Variants in FRRS1L observed in about 807,000 individuals in gnomAD.
FRRS1L encodes the protein DOMON domain-containing protein FRRS1L.
In FRRS1L, 22 loss-of-function variants were observed where a neutral mutation model predicts 28.6. That is an observed-to-expected ratio of 0.77 (90% CI 0.55 to 1.10). FRRS1L has a LOEUF of 1.10. Among genes scored for constraint, FRRS1L ranks in the 50% least tolerant of loss-of-function variants. FRRS1L has a pLI of 0.00. For missense variants in FRRS1L, 380 were observed against 386.9 expected (o/e 0.98, Z 0.15); for synonymous variants, 158 against 151.4 (o/e 1.04, Z -0.32).
chr9:109,145,383 C>G (rs910657775), intron 3 of FRRS1L, among the ~76,000 whole-genome samples: 2 of 152,166 alleles, frequency 1.3e-5, no homozygotes, highest in African/African-American at 2.4e-5. Context: ...ATCCAACATG[C>G]CTTTTATAAT....
chr9:109,157,843 T>C (rs532695705), intron 1 of FRRS1L, among the ~76,000 whole-genome samples: 1 of 152,246 alleles, frequency 6.6e-6, no homozygotes, highest in African/African-American at 2.4e-5. Flanking sequence ...TTATCTTCTA[T>C]ATTTTGTCCG....
intron 3 of FRRS1L, among the ~76,000 whole-genome samples, chr9:109,141,898 T>A (rs1448665349): frequency 2.1e-5 from 3 of 141,828 alleles, no homozygotes; most frequent in Non-Finnish European, 3.1e-5. Context: ...ACAAAAAAAA[T>A]TAAAAAAATA....
Position 109,132,924 on chromosome 9 carries a change from C to CT in FRRS1L, c.*4530dup, listed in dbSNP as rs1831073163. ...TCTGACCCTTAACAGAGAAAGTTTG[C>CT]TGACCCCTGGAGTAGAGATAAGAAT... On this transcript the variant is annotated 3_prime_UTR_variant, in exon 5 of 5. Transcript: ENST00000561981. The CT allele has an allele frequency of 6.6e-6, 1 of 152,212 alleles. No homozygotes were observed. Among genetic ancestry groups the CT allele is most frequent in the African/African-American group, 2.4e-5 (1 of 41,458 alleles). The allele number at this position is 152,212 out of a possible 1,614,324, so 9.4% of individuals were successfully genotyped here.
chr9:109,159,532 G>C (rs974848599), intron 1 of FRRS1L, among the ~76,000 whole-genome samples: 1 of 152,156 alleles, frequency 6.6e-6, no homozygotes, highest in Admixed American at 6.5e-5. Flanking sequence ...AGGCATGGTG[G>C]GACCCACCTG....
Position 109,130,442 on chromosome 9 carries a change from A to G in FRRS1L, c.*7013T>C, listed in dbSNP as rs1280593776. ...GTATTTGTGATGGCAAATGGACAGA[A>G]CAATCATTTAGGTAGCATCTAGGAA... is the stretch of plus-strand genomic sequence containing the variant. On this transcript the variant is annotated 3_prime_UTR_variant, in exon 5 of 5. Coordinates refer to ENST00000561981, the MANE Select transcript of FRRS1L (RefSeq NM_014334.4). The G allele has an allele frequency of 6.6e-6, 1 of 152,242 alleles. No individual in the cohort carries two copies. Among genetic ancestry groups the G allele is most frequent in the Admixed American group, 6.5e-5 (1 of 15,282 alleles). 9.4% of individuals were successfully genotyped at this position (152,242 alleles called of 1,614,324 possible).
At chr9:109,148,624 C>G (rs1831292432) in intron 2 of FRRS1L, 1 of 152,026 alleles carries the variant, frequency 6.6e-6, no homozygotes, top group South Asian at 2.1e-4. Context: ...AAATGTACTA[C>G]TATGCTGGCA....
chr9:109,137,668 G>A, intron 4 of FRRS1L, 41 bp from the exon 5 acceptor site: 1 of 1,348,370 alleles, frequency 7.4e-7, no homozygotes, highest in South Asian at 1.6e-5. Flanking sequence ...ATTGAAAAAA[G>A]AACAGATTTA....
Position 109,136,413 on chromosome 9 carries a change from A to G in FRRS1L, c.*1042T>C, listed in dbSNP as rs1053899166. 2.0e-5 allele frequency: 3 copies of G among 150,382 alleles called. No homozygotes were observed. Among genetic ancestry groups the G allele is most frequent in the Non-Finnish European group, 3.0e-5 (2 of 67,778 alleles). 9.3% of individuals were successfully genotyped at this position (150,382 alleles called of 1,614,324 possible). ...TTTAATATCATTAACACAACTTTAC[A>G]TCTTCAGGAATGCTCACAGTTTGGT... On this transcript the variant is annotated 3_prime_UTR_variant, in exon 5 of 5. Transcript: ENST00000561981.
In FRRS1L at chr9:109,141,957, GA is replaced by G. The variant is rs534039812; in HGVS notation, c.463-369del. Among the ~76,000 whole-genome samples, 670 of 108,142 alleles carry G rather than the reference GA, an allele frequency of 6.2e-3. 1 individual carries two copies. Among genetic ancestry groups the G allele is most frequent in the African/African-American group, 0.013 (387 of 30,830 alleles). The allele number at this position is 108,142 out of a possible 152,430, so 70.9% of individuals were successfully genotyped here. ...TCAGTGTCATAAAAGACCAAAAAAA[GA>G]AAAAAAAAAAAAAGGCTAAGAAACT... is the stretch of plus-strand genomic sequence containing the variant. On this transcript the variant is annotated intron_variant, in intron 3 of 4. Transcript: ENST00000561981.
chr9:109,153,701 G>A (rs1475994736), intron 1 of FRRS1L, among the ~76,000 whole-genome samples: 3 of 152,138 alleles, frequency 2.0e-5, no homozygotes, highest in African/African-American at 7.2e-5. Context: ...TGTGAACTGT[G>A]CCCTTTCACT....
At position 109,132,543 on chromosome 9, in the gene FRRS1L, T is replaced by TA. The variant is rs1310734295; in HGVS notation, c.*4911dup. ...TTTATTTTAAAAGCAAATTATTCAC[T>TA]AACTTTGATATTCTTACAACTAACC... On this transcript the variant is annotated 3_prime_UTR_variant, in exon 5 of 5. Coordinates refer to ENST00000561981, the MANE Select transcript of FRRS1L (RefSeq NM_014334.4). The TA allele has an allele frequency of 6.6e-6, 1 of 152,234 alleles. No homozygotes were observed. Among genetic ancestry groups the TA allele is most frequent in the Non-Finnish European group, 1.5e-5 (1 of 68,044 alleles). 9.4% of individuals were successfully genotyped at this position (152,234 alleles called of 1,614,324 possible). A position where few individuals can be genotyped will look rare whatever the true frequency, so the allele number is the denominator to read the frequency against.
rs185550474 is a variant in FRRS1L, at chr9:109,143,825, T to C, written c.463-2236A>G. 7.9e-4 allele frequency among the ~76,000 whole-genome samples: 121 copies of C among 152,226 alleles called. 2 individuals carry two copies. The East Asian group carries it at 0.015, about 19-fold the overall frequency. ...CGCCCGGCTAATAATGTACCATTTT[T>C]AAAAAGTTAAACGCTTTTAAAAAGG... On this transcript the variant is annotated intron_variant, in intron 3 of 4. Coordinates refer to ENST00000561981, the MANE Select transcript of FRRS1L (RefSeq NM_014334.4).
rs1225756391 is a variant in FRRS1L, at chr9:109,132,927, AC to A, written c.*4527del. The A allele has an allele frequency of 1.3e-5, 2 of 152,146 alleles. No individual in the cohort carries two copies. Among genetic ancestry groups the A allele is most frequent in the Non-Finnish European group, 2.9e-5 (2 of 68,012 alleles). 9.4% of individuals were successfully genotyped at this position (152,146 alleles called of 1,614,324 possible). ...GACCCTTAACAGAGAAAGTTTGCTG[AC>A]CCCTGGAGTAGAGATAAGAATGACA... is the stretch of plus-strand genomic sequence containing the variant. On this transcript the variant is annotated 3_prime_UTR_variant, in exon 5 of 5. Coordinates refer to ENST00000561981, the MANE Select transcript of FRRS1L (RefSeq NM_014334.4).
Position 109,159,615 on chromosome 9 carries a change from G to A in FRRS1L, c.238+7286C>T, listed in dbSNP as rs138093281. Among the ~76,000 whole-genome samples the A allele has an allele frequency of 3.2e-3, 493 of 152,292 alleles. 3 individuals carry two copies. Among genetic ancestry groups the A allele is most frequent in the African/African-American group, 0.011 (442 of 41,556 alleles). On this transcript the variant is annotated intron_variant, in intron 1 of 4. Transcript: ENST00000561981. ...GGGAAGTGTAGTGAGCCAAGATCGC[G>A]CCATTGCATTCCAGCCTGGGTGACA...
chr9:109,141,190 TA>T, intron 4 of FRRS1L, 152 bp downstream of exon 4: 1 of 742,770 alleles, frequency 1.3e-6, no homozygotes, highest in African/African-American at 1.8e-5. Context: ...AAGTCCATTA[TA>T]ACCTTCTGAA....
chr9:109,160,792 T>C (rs1420607808), intron 1 of FRRS1L, among the ~76,000 whole-genome samples: 1 of 20,364 alleles, frequency 4.9e-5, no homozygotes, highest in Non-Finnish European at 1.5e-4. Context: ...GAAAGAAATC[T>C]TTTTTTTTTT....
chr9:109,135,976 T>C lies in FRRS1L; in HGVS notation c.*1479A>G, dbSNP rs1460102141. ...CAGGCACGGTGGCTCACACCTGTAA[T>C]CCTAGCACTCTGGGAGGCCAAAGCA... On this transcript the variant is annotated 3_prime_UTR_variant, in exon 5 of 5. Coordinates refer to ENST00000561981, the MANE Select transcript of FRRS1L (RefSeq NM_014334.4). The C allele has an allele frequency of 2.0e-5, 3 of 151,900 alleles. No homozygotes were observed. Among genetic ancestry groups the C allele is most frequent in the African/African-American group, 2.4e-5 (1 of 41,376 alleles). 9.4% of individuals were successfully genotyped at this position (151,900 alleles called of 1,614,324 possible).
At chr9:109,145,077 C>T (rs1455098977) in intron 3 of FRRS1L, among the ~76,000 whole-genome samples, 5 of 152,128 alleles carry the variant, frequency 3.3e-5, no homozygotes, top group East Asian at 1.9e-4. Flanking sequence ...AAGAGAAGGG[C>T]GGGGTGCTCT....
At chr9:109,165,686 T>A (rs1831539843) in intron 1 of FRRS1L, among the ~76,000 whole-genome samples, 1 of 152,234 alleles carries the variant, frequency 6.6e-6, no homozygotes, top group African/African-American at 2.4e-5. Flanking sequence ...TTTTACATCC[T>A]CCTTTGTACC....
Sources: gnomAD v4.1 joint callset for allele counts (sites outside exome capture counted in the v4.1 genomes callset) on GRCh38, gnomAD v4.1.1 for gene constraint, MANE v1.5 for transcripts, NCBI Gene and HGNC (gene_info 2026-07-23, HGNC 2026-07-21) for gene names.